The following DOT1L variants were observed in gnomAD, a reference collection of about 807,000 sequenced individuals.
The protein encoded by DOT1L is histone-lysine N-methyltransferase, H3 lysine-79 specific.
DOT1L carries 33 observed loss-of-function variants against 153.3 expected under a neutral mutation model. That is an observed-to-expected ratio of 0.22 (90% CI 0.16 to 0.29). The LOEUF is 0.29. Among genes scored for constraint, DOT1L ranks in the 10% least tolerant of loss-of-function variants. The pLI is 1.00. For synonymous variants in DOT1L, 1,135 were observed against 965.1 expected (o/e 1.18, Z -3.26); for missense variants, 1,847 against 2,119.9 (o/e 0.87, Z 2.53).
chr19:2,227,345 C>T (rs1020277049), intron 27 of DOT1L: 5 of 741,728 alleles, frequency 6.7e-6, no homozygotes, highest in Middle Eastern at 2.2e-4. Flanking sequence ...GTTGTAACCG[C>T]GTCCCTCTTG....
At chr19:2,165,960 C>T (rs1034889725) in intron 1 of DOT1L, among the ~76,000 whole-genome samples, 21 of 151,710 alleles carry the variant, frequency 1.4e-4, no homozygotes, top group African/African-American at 3.9e-4. Flanking sequence ...TTAGTAGAGA[C>T]GGGGTTTCAC....
At position 2,228,572 on chromosome 19, in the gene DOT1L, CTGAG is replaced by C. The variant is rs2024468532; in HGVS notation, c.4607-1210_4607-1207del. On this transcript the variant is annotated intron_variant, in intron 27 of 27. Coordinates refer to ENST00000398665, the MANE Select transcript of DOT1L (RefSeq NM_032482.3). Reference sequence around the variant, plus strand: ...GGACGGGCACCAGCCATGGAGTGGCCTGAGTGTGTTGGGTTCCAGCTGCCCGCAG... The same window carrying C: ...GGACGGGCACCAGCCATGGAGTGGCCTGTGTTGGGTTCCAGCTGCCCGCAG... 4 of 985,200 alleles carry C rather than the reference CTGAG, an allele frequency of 4.1e-6. No homozygotes were observed. In the South Asian group the frequency reaches 1.9e-4, roughly 46 times the overall value. The allele number at this position is 985,200 out of a possible 1,614,324, so 61.0% of individuals were successfully genotyped here. A position where few individuals can be genotyped will look rare whatever the true frequency, so the allele number is the denominator to read the frequency against.
At chr19:2,212,535 G>A (rs1326807040) in intron 16 of DOT1L, 1 of 152,272 alleles carries the variant, frequency 6.6e-6, no homozygotes, top group Admixed American at 6.5e-5. Flanking sequence ...GACTGTTCAA[G>A]TATTTGACTT....
At chr19:2,224,842 CTGGA>C (rs2024265516) in intron 25 of DOT1L, among the ~76,000 whole-genome samples, 1 of 152,204 alleles carries the variant, frequency 6.6e-6, no homozygotes, top group Non-Finnish European at 1.5e-5. Flanking sequence ...ATTGTAGCAC[CTGGA>C]TGCTCTGTTT....
intron 1 of DOT1L, 75 bp from the exon 2 acceptor site, chr19:2,180,638 C>G: frequency 6.3e-7 from 1 of 1,576,868 alleles, no homozygotes; most frequent in Non-Finnish European, 8.7e-7. Flanking sequence ...GACGGCATCG[C>G]TTGTCCGGGA....
Position 2,203,893 on chromosome 19 carries a change from T to G in DOT1L, c.787+1114T>G, listed in dbSNP as rs780153705. On this transcript the variant is annotated intron_variant, in intron 9 of 27. Coordinates refer to ENST00000398665, the MANE Select transcript of DOT1L (RefSeq NM_032482.3). ...TGGCGGACGTGGCTTCCAGAGCCAC[T>G]GCTGGGCTCGAAGACAGGCGCTCTG... Among the ~76,000 whole-genome samples, 170 of 152,222 alleles carry G rather than the reference T, an allele frequency of 1.1e-3. 1 individual carries two copies. The highest frequency in any genetic ancestry group is 1.8e-3 in the Non-Finnish European group (121 of 68,026).
intron 9 of DOT1L, among the ~76,000 whole-genome samples, chr19:2,203,348 G>A (rs62122895): frequency 0.024 from 3,702 of 152,252 alleles, 78 homozygotes; most frequent in Non-Finnish European, 0.04. Context: ...TGATCTGCCC[G>A]CCTCGGCCCC....
chr19:2,180,320 C>T (rs903717639), intron 1 of DOT1L, among the ~76,000 whole-genome samples: 4 of 152,108 alleles, frequency 2.6e-5, no homozygotes, highest in South Asian at 2.1e-4. Flanking sequence ...CTGCGGAGCG[C>T]GGTCTGAGGG....
intron 9 of DOT1L, among the ~76,000 whole-genome samples, chr19:2,203,573 A>G (rs1192818767): frequency 1.3e-5 from 2 of 152,202 alleles, no homozygotes; most frequent in African/African-American, 2.4e-5. Context: ...CACCAGGCCC[A>G]TGCAGGGCCC....
Position 2,211,229 on chromosome 19 carries a change from C to G in DOT1L, c.1465+17C>G. The stretch of plus-strand genomic sequence containing the variant: ...AGCTTCTAGGTGAGCCCGTGTGAGG[C>G]GTCCGGCGAAGGGTTCTGGGCTTGG... On this transcript the variant is annotated intron_variant, in intron 15 of 27. Coordinates refer to ENST00000398665, the MANE Select transcript of DOT1L (RefSeq NM_032482.3). The G allele has an allele frequency of 6.3e-7, 1 of 1,585,622 alleles. No homozygotes were observed. Among genetic ancestry groups the G allele is most frequent in the Non-Finnish European group, 8.6e-7 (1 of 1,164,122 alleles).
At chr19:2,214,396 A>C in intron 18 of DOT1L, 75 bp from the exon 19 acceptor site, 3 of 1,572,036 alleles carry the variant, frequency 1.9e-6, no homozygotes, top group Non-Finnish European at 1.7e-6. Context: ...GGCCCAGGGA[A>C]CCCTGCCCTG....
In DOT1L at chr19:2,220,287, G is replaced by A; in HGVS notation, c.2806+65G>A. 2 of 1,492,888 alleles carry A rather than the reference G, an allele frequency of 1.3e-6. No homozygotes were observed. The highest frequency in any genetic ancestry group is 1.2e-5 in the South Asian group (1 of 84,374). 92.5% of individuals were successfully genotyped at this position (1,492,888 alleles called of 1,614,324 possible). ...CTGCTGCTGCTCTTCAGGCAGGAGG[G>A]CTGGGTTGCTGGGAGTGGAACAGGG... On this transcript the variant is annotated intron_variant, in intron 23 of 27. Coordinates refer to ENST00000398665, the MANE Select transcript of DOT1L (RefSeq NM_032482.3). This position sits in a 1 kb window ranked among gnomAD's most constrained non-coding sequence, Gnocchi z 4.5.
intron 27 of DOT1L, chr19:2,227,373 T>G (rs749814494): frequency 2.5e-5 from 18 of 715,506 alleles, no homozygotes; most frequent in African/African-American, 5.3e-5. Flanking sequence ...AAGGCCACCG[T>G]GCGCAGGGCC....
At chr19:2,228,903 C>T (rs1192771624) in intron 27 of DOT1L, 26 of 985,298 alleles carry the variant, frequency 2.6e-5, no homozygotes, top group Non-Finnish European at 3.1e-5. Flanking sequence ...CTCGGATGCC[C>T]TCATAGGGAG....
Position 2,185,946 on chromosome 19 carries a change from C to A in DOT1L, c.200+17C>A. 6.2e-7 allele frequency: 1 copy of A among 1,612,604 alleles called. No individual in the cohort carries two copies. Among genetic ancestry groups the A allele is most frequent in the South Asian group, 1.1e-5 (1 of 91,026 alleles). On this transcript the variant is annotated intron_variant, in intron 3 of 27. Coordinates refer to ENST00000398665, the MANE Select transcript of DOT1L (RefSeq NM_032482.3). ...CACCAAAAGGTAAGCAGAGTCCTGT[C>A]CAGCCGCTCCGCTCCGAGGACAGAC...
At position 2,208,887 on chromosome 19, in the gene DOT1L, C is replaced by A. The variant is rs768763745; in HGVS notation, c.964-48C>A. The A allele has an allele frequency of 1.3e-6, 2 of 1,594,036 alleles. No individual in the cohort carries two copies. The highest frequency in any genetic ancestry group is 2.2e-5 in the East Asian group (1 of 44,628). On this transcript the variant is annotated intron_variant, in intron 11 of 27. Coordinates refer to ENST00000398665, the MANE Select transcript of DOT1L (RefSeq NM_032482.3). The surrounding 1 kb of genome is among the most constrained non-coding windows in gnomAD (Gnocchi z 4.4). ...ACCTGGGTGTCCAGACAAATCCGAA[C>A]AGAGATTGGGACTCCCTTCTAATCA... is the stretch of plus-strand genomic sequence containing the variant.
intron 19 of DOT1L, chr19:2,215,698 C>T (rs2023872968): frequency 6.6e-6 from 1 of 152,386 alleles, no homozygotes; most frequent in African/African-American, 2.4e-5. Context: ...AGGCGAGCCT[C>T]ACCAGCGTAC....
intron 8 of DOT1L, among the ~76,000 whole-genome samples, chr19:2,201,808 C>T (rs2144789996): frequency 6.6e-6 from 1 of 152,382 alleles, no homozygotes; most frequent in Non-Finnish European, 1.5e-5. Context: ...GCCAGCCTCG[C>T]TGCCTTGTCA....
rs1051380831 is a variant in DOT1L at position 2,190,554 on chromosome 19, A to G, written c.265-458A>G. 3.9e-5 allele frequency among the ~76,000 whole-genome samples: 6 copies of G among 152,008 alleles called. No individual in the cohort carries two copies. Among genetic ancestry groups the G allele is most frequent in the Non-Finnish European group, 8.8e-5 (6 of 67,968 alleles). On this transcript the variant is annotated intron_variant, in intron 4 of 27. Transcript: ENST00000398665. The surrounding 1 kb of genome is among the most constrained non-coding windows in gnomAD (Gnocchi z 4.8). Reference sequence around the variant, plus strand: ...GGCCTGGGCGAGAGGGGACCACCTCAGCCTGCTGCAGCTGGTGGGGAGGAA... The same window carrying G: ...GGCCTGGGCGAGAGGGGACCACCTCGGCCTGCTGCAGCTGGTGGGGAGGAA...
Sources: allele counts gnomAD v4.1 joint callset (sites outside exome capture counted in the v4.1 genomes callset), GRCh38; gene constraint gnomAD v4.1.1; non-coding constraint Gnocchi (gnomAD v3.1); transcripts MANE v1.5; gene names NCBI Gene and HGNC (gene_info 2026-07-23, HGNC 2026-07-21).